The following FER variants were observed in gnomAD, a reference collection of about 807,000 sequenced individuals.
FER encodes tyrosine-protein kinase Fer.
A neutral mutation model predicts 111.0 loss-of-function variants in FER; 63 were observed. That is an observed-to-expected ratio of 0.57 (90% confidence interval 0.46 to 0.70). The LOEUF is 0.70. FER is among the 30% of genes least tolerant of loss of function. The pLI is 0.00. For synonymous variants in FER, 327 were observed against 313.9 expected (o/e 1.04, Z -0.44); for missense variants, 914 against 954.0 (o/e 0.96, Z 0.55).
At chr5:109,139,107 A>T (rs1753219729) in intron 17 of FER, among the ~76,000 whole-genome samples, 1 of 152,158 alleles carries the variant, frequency 6.6e-6, no homozygotes, top group South Asian at 2.1e-4. Context: ...GTCTAGTTGA[A>T]ATATGGGGTG....
chr5:108,958,522 G>C (rs1332349002), intron 12 of FER, among the ~76,000 whole-genome samples: 4 of 151,714 alleles, frequency 2.6e-5, no homozygotes, highest in Non-Finnish European at 5.9e-5. Context: ...ATGAAAACAA[G>C]AGAAAAGCGG....
chr5:109,150,684 T>A (rs1344854147), intron 17 of FER, among the ~76,000 whole-genome samples: 1 of 152,210 alleles, frequency 6.6e-6, no homozygotes, highest in Non-Finnish European at 1.5e-5. Flanking sequence ...AATATATCTT[T>A]AACGTTATAG....
At chr5:109,051,731 T>C in intron 16 of FER, 1 of 1,568,358 alleles carries the variant, frequency 6.4e-7, no homozygotes, top group Non-Finnish European at 8.8e-7. Flanking sequence ...TAAGGGTCGC[T>C]CTTTCCCTTA....
chr5:109,044,957 C>A, intron 15 of FER, 162 bp downstream of exon 15: 2 of 451,018 alleles, frequency 4.4e-6, no homozygotes, highest in East Asian at 3.6e-5. Flanking sequence ...TTCTGCAGAT[C>A]AATTCAGCAA....
At chr5:108,819,677 A>G (rs1347710886) in intron 3 of FER, 1 of 477,240 alleles carries the variant, frequency 2.1e-6, no homozygotes, top group Non-Finnish European at 2.7e-6. Flanking sequence ...GTTAGCTTTA[A>G]TAGGAGTCAG....
chr5:109,014,386 A>G (rs1389004107), intron 13 of FER, among the ~76,000 whole-genome samples: 1 of 152,146 alleles, frequency 6.6e-6, no homozygotes, highest in African/African-American at 2.4e-5. Flanking sequence ...AAGATCAGAT[A>G]GTTGTAGATA....
At chr5:109,086,276 G>A (rs181015999) in intron 16 of FER, among the ~76,000 whole-genome samples, 102 of 115,636 alleles carry the variant, frequency 8.8e-4, no homozygotes, top group African/African-American at 3.6e-3. Flanking sequence ...TCAAGGTATC[G>A]GTCCTTACAT....
At chr5:109,122,071 A>C (rs769482730) in intron 17 of FER, among the ~76,000 whole-genome samples, 1 of 151,374 alleles carries the variant, frequency 6.6e-6, no homozygotes, top group African/African-American at 2.4e-5. Flanking sequence ...CTTTATTTCA[A>C]TTTCATTTAT....
intron 17 of FER, among the ~76,000 whole-genome samples, chr5:109,165,147 A>G (rs1399798728): frequency 6.6e-6 from 1 of 152,160 alleles, no homozygotes; most frequent in Non-Finnish European, 1.5e-5. Flanking sequence ...TGCCTGGCAA[A>G]TAGTAAGTGC....
intron 2 of FER, among the ~76,000 whole-genome samples, chr5:108,777,715 C>T (rs543037653): frequency 6.6e-6 from 1 of 152,288 alleles, no homozygotes; most frequent in African/African-American, 2.4e-5. Flanking sequence ...ATTGGACTTA[C>T]AGTTCCACAT....
intron 1 of FER, among the ~76,000 whole-genome samples, chr5:108,758,710 G>A (rs1751391480): frequency 6.6e-6 from 1 of 152,120 alleles, no homozygotes; most frequent in Non-Finnish European, 1.5e-5. Context: ...TGGATTAGGT[G>A]CTAATTACTG....
chr5:108,900,235 G>T (rs1183038664), intron 10 of FER, among the ~76,000 whole-genome samples: 1 of 152,136 alleles, frequency 6.6e-6, no homozygotes, highest in Non-Finnish European at 1.5e-5. Context: ...CATTTTTTCA[G>T]AACAATTAGA....
chr5:108,929,934 CT>C lies in FER; in HGVS notation c.1237-16195del, dbSNP rs528105908. ...GAAGATAATCTTTTTAAAGATATGG[CT>C]GAATGAGGCATTTCATTAGTGCCTT... On this transcript the variant is annotated intron_variant, in intron 10 of 19. Transcript: ENST00000281092. 1.4e-4 allele frequency among the ~76,000 whole-genome samples: 21 copies of C among 152,222 alleles called. 1 individual carries two copies. Among genetic ancestry groups the C allele is most frequent in the African/African-American group, 5.1e-4 (21 of 41,548 alleles).
intron 13 of FER, among the ~76,000 whole-genome samples, chr5:109,037,071 A>G (rs1398902569): frequency 6.6e-6 from 1 of 152,076 alleles, no homozygotes; most frequent in Non-Finnish European, 1.5e-5. Flanking sequence ...TTGTAAAATC[A>G]AACTCCCTCA....
intron 17 of FER, among the ~76,000 whole-genome samples, chr5:109,102,871 T>C (rs1358924628): frequency 6.6e-6 from 1 of 152,126 alleles, no homozygotes; most frequent in Non-Finnish European, 1.5e-5. Flanking sequence ...TTTTTTATAG[T>C]AGTGAATTGT....
intron 16 of FER, among the ~76,000 whole-genome samples, chr5:109,049,467 C>T (rs888080113): frequency 6.6e-6 from 1 of 152,160 alleles, no homozygotes; most frequent in Non-Finnish European, 1.5e-5. Context: ...CTTTTCACAT[C>T]GTCTTTCTAT....
chr5:108,776,231 T>G (rs1314960028), intron 2 of FER, among the ~76,000 whole-genome samples: 1 of 152,176 alleles, frequency 6.6e-6, no homozygotes, highest in African/African-American at 2.4e-5. Context: ...CTTATTTCTG[T>G]TACATAGTTT....
rs1363629681 is a variant in FER, at chr5:109,193,117, C to T, written c.*5542C>T. 1 of 152,192 alleles carries T rather than the reference C, an allele frequency of 6.6e-6. No homozygotes were observed. The highest frequency in any genetic ancestry group is 1.9e-4 in the East Asian group (1 of 5,192). 9.4% of individuals were successfully genotyped at this position (152,192 alleles called of 1,614,324 possible). ...GTGCGTGCCTCTTAAGTCTCTACAA[C>T]ACTTTTTTAAAGGGCATTGAATTGG... On this transcript the variant is annotated 3_prime_UTR_variant, in exon 20 of 20. Transcript: ENST00000281092.
chr5:109,150,245 G>C (rs78625819), intron 17 of FER, among the ~76,000 whole-genome samples: 31 of 151,934 alleles, frequency 2.0e-4, no homozygotes, highest in African/African-American at 6.5e-4. Flanking sequence ...TGATCAGCTG[G>C]CTCTCATTTT....
Sources: gnomAD v4.1 joint callset for allele counts (sites outside exome capture counted in the v4.1 genomes callset) on GRCh38, gnomAD v4.1.1 for gene constraint, MANE v1.5 for transcripts, NCBI Gene and HGNC (gene_info 2026-07-23, HGNC 2026-07-21) for gene names.